Variants in STMN2 observed in about 807,000 individuals in gnomAD.
STMN2 encodes the protein stathmin 2.
STMN2 carries 2 observed loss-of-function variants against 24.1 expected under a neutral mutation model. The observed-to-expected ratio is 0.08, with a 90% CI of 0.03 to 0.26. The LOEUF is 0.26. Among genes scored for constraint, STMN2 ranks in the 10% least tolerant of loss-of-function variants. The pLI, the probability that STMN2 is intolerant of heterozygous loss-of-function variation, is 1.00. For missense variants in STMN2, 114 were observed against 213.6 expected (o/e 0.53, Z 2.91); for synonymous variants, 83 against 77.5 (o/e 1.07, Z -0.37).
At chr8:79,652,710 C>T (rs1017746603) in intron 3 of STMN2, among the ~76,000 whole-genome samples, 1 of 151,978 alleles carries the variant, frequency 6.6e-6, no homozygotes, top group African/African-American at 2.4e-5. Context: ...CATTAAATAC[C>T]TTGCAAACAT....
intron 1 of STMN2, among the ~76,000 whole-genome samples, chr8:79,630,149 G>A (rs1028034740): frequency 4.6e-5 from 7 of 152,168 alleles, no homozygotes; most frequent in Non-Finnish European, 1.0e-4. Context: ...CCCATCCCAC[G>A]GTGATAGCTC....
intron 1 of STMN2, among the ~76,000 whole-genome samples, chr8:79,615,748 A>G (rs545054778): frequency 2.0e-5 from 3 of 152,356 alleles, no homozygotes; most frequent in African/African-American, 7.2e-5. Flanking sequence ...GCTTTACCCT[A>G]GTGGATGAAC....
At position 79,655,050 on chromosome 8, in the gene STMN2, T is replaced by C; in HGVS notation, c.468T>C (p.Arg156=). ...REANLAAIIE[R]LQEKERHAAE... The stretch of plus-strand genomic sequence containing the variant: ...CTAATCTAGCTGCTATTATTGAACG[T>C]CTGCAGGAAAAGGTAATCTCAGCAG... Residue 156 remains arginine, a synonymous_variant, in exon 4 of 5, where the codon CGT becomes CGC. Transcript: ENST00000220876. 6.2e-7 allele frequency: 1 copy of C among 1,613,908 alleles called. No homozygotes were observed. Among genetic ancestry groups the C allele is most frequent in the South Asian group, 1.1e-5 (1 of 91,068 alleles).
chr8:79,643,829 GA>G (rs200467717), intron 3 of STMN2, among the ~76,000 whole-genome samples: 6 of 147,448 alleles, frequency 4.1e-5, no homozygotes, highest in South Asian at 4.3e-4. Flanking sequence ...ATGATGCCCA[GA>G]AAAAAAAAAT....
chr8:79,634,713 G>C (rs1195446533), intron 1 of STMN2, among the ~76,000 whole-genome samples: 1 of 152,204 alleles, frequency 6.6e-6, no homozygotes, highest in Non-Finnish European at 1.5e-5. Flanking sequence ...GGTGAGGTAG[G>C]TGGACAGTTG....
At chr8:79,622,079 C>T (rs1382642110) in intron 1 of STMN2, among the ~76,000 whole-genome samples, 2 of 152,144 alleles carry the variant, frequency 1.3e-5, no homozygotes. Flanking sequence ...AGTAACTGTT[C>T]CTGTTACAGG....
chr8:79,658,701 G>A (rs905673774), intron 4 of STMN2, among the ~76,000 whole-genome samples: 8 of 152,102 alleles, frequency 5.3e-5, no homozygotes, highest in Non-Finnish European at 1.0e-4. Flanking sequence ...GCACTCAGTC[G>A]CTCTTCCCTT....
At chr8:79,626,787 C>T (rs1443899152) in intron 1 of STMN2, among the ~76,000 whole-genome samples, 1 of 152,154 alleles carries the variant, frequency 6.6e-6, no homozygotes, top group Non-Finnish European at 1.5e-5. Context: ...AAAGGAGATG[C>T]CTTCCCTTGC....
At chr8:79,611,626 A>G in intron 1 of STMN2, 2 of 249,780 alleles carry the variant, frequency 8.0e-6, no homozygotes, top group Non-Finnish European at 1.3e-5. Flanking sequence ...GAAAGGGGTA[A>G]AGGGAAGGTG....
intron 2 of STMN2, among the ~76,000 whole-genome samples, chr8:79,641,097 AT>A (rs2130358491): frequency 6.6e-6 from 1 of 152,280 alleles, no homozygotes; most frequent in African/African-American, 2.4e-5. Flanking sequence ...AATTTAGGCT[AT>A]TTTTATCTAA....
chr8:79,655,092 A>C (rs1273824921), intron 4 of STMN2, 30 bp downstream of exon 4: 1 of 1,608,878 alleles, frequency 6.2e-7, no homozygotes, highest in South Asian at 1.1e-5. Flanking sequence ...GAGCAGATGG[A>C]TATATTCATA....
chr8:79,620,728 A>G (rs1286081443), intron 1 of STMN2, among the ~76,000 whole-genome samples: 5 of 152,134 alleles, frequency 3.3e-5, no homozygotes. Context: ...AAAAGGCTGA[A>G]AAATTTAAAT....
intron 4 of STMN2, among the ~76,000 whole-genome samples, chr8:79,663,946 C>T (rs1806550908): frequency 6.6e-6 from 1 of 152,084 alleles, no homozygotes; most frequent in African/African-American, 2.4e-5. Flanking sequence ...CAATTACATG[C>T]TATCTGCAAA....
At chr8:79,616,667 G>A (rs924024870) in intron 1 of STMN2, among the ~76,000 whole-genome samples, 1 of 152,052 alleles carries the variant, frequency 6.6e-6, no homozygotes, top group Non-Finnish European at 1.5e-5. Flanking sequence ...GTAAGCTCTG[G>A]TATTATGTCT....
chr8:79,656,757 G>C (rs1004166137), intron 4 of STMN2, among the ~76,000 whole-genome samples: 1 of 152,162 alleles, frequency 6.6e-6, no homozygotes, highest in Non-Finnish European at 1.5e-5. Context: ...GGTACCTGCT[G>C]ATCTTATTGC....
intron 1 of STMN2, among the ~76,000 whole-genome samples, chr8:79,626,084 A>G (rs1809647930): frequency 6.6e-6 from 1 of 152,158 alleles, no homozygotes; most frequent in East Asian, 1.9e-4. Flanking sequence ...AATCCTTACA[A>G]CAACACCCTA....
Position 79,654,729 on chromosome 8 carries a change from C to T in STMN2, c.289-142C>T, listed in dbSNP as rs542410740. 2.8e-5 allele frequency: 25 copies of T among 885,906 alleles called. No homozygotes were observed. In the African/African-American group the frequency reaches 3.7e-4, roughly 13 times the overall value. 54.9% of individuals were successfully genotyped at this position (885,906 alleles called of 1,614,324 possible). A position where few individuals can be genotyped will look rare whatever the true frequency, so the allele number is the denominator to read the frequency against. ...ATTCTATAGAAAACTCTAAGCCATG[C>T]AGATGAGTACAGACTTGACAATAGT... On this transcript the variant is annotated intron_variant, in intron 3 of 4. Transcript: ENST00000220876.
Position 79,619,238 on chromosome 8 carries a change from G to C in STMN2, c.19+8024G>C, listed in dbSNP as rs181451627. Among the ~76,000 whole-genome samples, 129 of 152,200 alleles carry C rather than the reference G, an allele frequency of 8.5e-4. 1 individual carries two copies. Among genetic ancestry groups the C allele is most frequent in the Middle Eastern group, 6.8e-3 (2 of 294 alleles). On this transcript the variant is annotated intron_variant, in intron 1 of 4. Transcript: ENST00000220876. The stretch of plus-strand genomic sequence containing the variant: ...GGATAATAAATCTGTCCATCTTTTA[G>C]TTGTATGTCTTTATATCAGGATAAA...
intron 4 of STMN2, among the ~76,000 whole-genome samples, chr8:79,656,035 TTAGAGATGGCCCTTCTCA>T (rs1244286625): frequency 6.6e-6 from 1 of 152,172 alleles, no homozygotes; most frequent in Non-Finnish European, 1.5e-5. Flanking sequence ...ATGTCTTCTG[TTAGAGATGGCCCTTCTCA>T]TCTAAGGTTC....
Sources: allele counts gnomAD v4.1 joint callset (sites outside exome capture counted in the v4.1 genomes callset), GRCh38; gene constraint gnomAD v4.1.1; transcripts MANE v1.5; gene names NCBI Gene and HGNC (gene_info 2026-07-23, HGNC 2026-07-21).